RORA: variants seen among roughly 807,000 people sequenced by gnomAD.
The protein encoded by RORA is RAR related orphan receptor A, also known as nuclear receptor ROR-alpha.
A neutral mutation model predicts 69.5 loss-of-function variants in RORA; 7 were observed. That is an observed-to-expected ratio of 0.10 (90% CI 0.06 to 0.19). The LOEUF is 0.19. RORA is among the 10% of genes least tolerant of loss of function. RORA has a pLI of 1.00. For missense variants in RORA, 457 were observed against 663.0 expected (o/e 0.69, Z 3.41); for synonymous variants, 261 against 240.8 (o/e 1.08, Z -0.78).
chr15:61,118,874 G>GGT (rs1386809197), intron 1 of RORA, among the ~76,000 whole-genome samples: 1 of 152,128 alleles, frequency 6.6e-6, no homozygotes, highest in Admixed American at 6.5e-5. Flanking sequence ...AGACAGAGCA[G>GGT]GTGTTAAGGC....
rs201071249 is a variant in RORA at position 60,497,219 on chromosome 15, C to G, written c.*236G>C. On this transcript the variant is annotated 3_prime_UTR_variant, in exon 11 of 11. Coordinates refer to ENST00000335670, the MANE Select transcript of RORA (RefSeq NM_134261.3). ...GAGGTCAATGATCAAGAAGTCAAGA[C>G]AGAAAAAGGGTCCATATCTGTAGGC... 2 of 410,712 alleles carry G rather than the reference C, an allele frequency of 4.9e-6. No homozygotes were observed. The highest frequency in any genetic ancestry group is 4.1e-5 in the South Asian group (1 of 24,500). The allele number at this position is 410,712 out of a possible 1,614,324, so 25.4% of individuals were successfully genotyped here. A position where few individuals can be genotyped will look rare whatever the true frequency, so the allele number is the denominator to read the frequency against.
At chr15:60,911,362 T>C (rs1249911124) in intron 1 of RORA, among the ~76,000 whole-genome samples, 1 of 152,160 alleles carries the variant, frequency 6.6e-6, no homozygotes, top group East Asian at 1.9e-4. Context: ...CTCAAGGCCA[T>C]TTCCACGGCC....
chr15:60,809,613 T>G (rs1054340296), intron 1 of RORA, among the ~76,000 whole-genome samples: 2 of 152,096 alleles, frequency 1.3e-5, no homozygotes, highest in African/African-American at 4.8e-5. Flanking sequence ...TTTCAAGAAC[T>G]CCCACCCCCA....
chr15:60,514,694 A>G lies in RORA; in HGVS notation c.346T>C (p.Leu116=), dbSNP rs1452994348. The change falls in exon 4 of 11, where the codon TTG becomes CTG. Residue 116 remains leucine, a synonymous_variant. Transcript: ENST00000335670. ...CGGTTTCTACTGGTTCGATCAATCA[A>G]ACAGTTCTTCTGACGAGGACAGGAG... ...TYSCPRQKNC[L]IDRTSRNRCQ... The G allele has an allele frequency of 5.0e-6, 8 of 1,614,132 alleles. No homozygotes were observed. Among genetic ancestry groups the G allele is most frequent in the East Asian group, 2.2e-5 (1 of 44,884 alleles).
intron 2 of RORA, among the ~76,000 whole-genome samples, chr15:60,540,099 C>G (rs1271531946): frequency 6.6e-6 from 1 of 152,130 alleles, no homozygotes; most frequent in African/African-American, 2.4e-5. Flanking sequence ...AATGGTGTCC[C>G]TTACATAATT....
intron 2 of RORA, among the ~76,000 whole-genome samples, chr15:60,672,610 T>G (rs1439095863): frequency 6.6e-6 from 1 of 152,200 alleles, no homozygotes; most frequent in Non-Finnish European, 1.5e-5. Context: ...TCTACTCTGT[T>G]TTGACTCCAG....
chr15:60,988,973 G>T (rs1295765162), intron 1 of RORA, among the ~76,000 whole-genome samples: 1 of 152,186 alleles, frequency 6.6e-6, no homozygotes, highest in Non-Finnish European at 1.5e-5. Context: ...AGAAAGAAAA[G>T]GGTATTTTTT....
chr15:60,564,506 A>G (rs373778580), intron 2 of RORA, among the ~76,000 whole-genome samples: 1 of 152,142 alleles, frequency 6.6e-6, no homozygotes, highest in African/African-American at 2.4e-5. Flanking sequence ...AACTTCACTT[A>G]TGAGAGAGCT....
intron 1 of RORA, among the ~76,000 whole-genome samples, chr15:60,715,174 G>C (rs999735504): frequency 1.3e-5 from 2 of 152,128 alleles, no homozygotes; most frequent in African/African-American, 4.8e-5. Context: ...GTGATGCAGG[G>C]CCTTGGCCAT....
chr15:61,101,300 G>A lies in RORA; in HGVS notation c.166+127753C>T, dbSNP rs558206019. 2.6e-5 allele frequency among the ~76,000 whole-genome samples: 4 copies of A among 152,254 alleles called. No individual in the cohort carries two copies. In the South Asian group the frequency reaches 6.2e-4, roughly 24 times the overall value. ...TAATCACATAAATGAATATCCAGTT[G>A]GAAATTGTAACAAAGTAAATGGAAG... On this transcript the variant is annotated intron_variant, in intron 1 of 10. Coordinates refer to ENST00000335670, the MANE Select transcript of RORA (RefSeq NM_134261.3).
chr15:60,609,704 C>T (rs924674689), intron 2 of RORA, among the ~76,000 whole-genome samples: 7 of 152,172 alleles, frequency 4.6e-5, no homozygotes, highest in South Asian at 2.1e-4. Context: ...TACACGAATC[C>T]TCATCCTATC....
At chr15:60,888,183 G>A (rs2073772574) in intron 1 of RORA, among the ~76,000 whole-genome samples, 1 of 152,162 alleles carries the variant, frequency 6.6e-6, no homozygotes, top group African/African-American at 2.4e-5. Context: ...TGGAGCAAGG[G>A]CTTTCTGTTG....
At chr15:60,729,956 A>T (rs2071408633) in intron 1 of RORA, among the ~76,000 whole-genome samples, 1 of 152,220 alleles carries the variant, frequency 6.6e-6, no homozygotes, top group Non-Finnish European at 1.5e-5. Flanking sequence ...GGAAATAGCA[A>T]CATTAGCAGC....
intron 1 of RORA, among the ~76,000 whole-genome samples, chr15:61,214,966 G>A (rs957599131): frequency 7.6e-5 from 11 of 144,542 alleles, no homozygotes; most frequent in South Asian, 2.2e-4. Flanking sequence ...CTGGGTTCAT[G>A]CCATTCTCCT....
At chr15:60,826,823 T>C (rs1229785853) in intron 1 of RORA, among the ~76,000 whole-genome samples, 1 of 150,562 alleles carries the variant, frequency 6.6e-6, no homozygotes, top group African/African-American at 2.4e-5. Flanking sequence ...TTCTTTTCCT[T>C]CCCATCAAAT....
rs115354651 is a variant in RORA at position 60,902,631 on chromosome 15, G to T, written c.167-223945C>A. On this transcript the variant is annotated intron_variant, in intron 1 of 10. Transcript: ENST00000335670. ...TTTGGATCTTTTTCAAGAAGAGAGT[G>T]GTAAGGTGAGGTACAGTGAGGCAGA... 2.5e-3 allele frequency among the ~76,000 whole-genome samples: 383 copies of T among 152,298 alleles called. 2 individuals carry two copies. Among genetic ancestry groups the T allele is most frequent in the African/African-American group, 8.9e-3 (368 of 41,554 alleles).
At chr15:60,819,872 G>A (rs1316014921) in intron 1 of RORA, among the ~76,000 whole-genome samples, 2 of 151,924 alleles carry the variant, frequency 1.3e-5, no homozygotes, top group Non-Finnish European at 2.9e-5. Context: ...ATCCCAATCA[G>A]GCAAGAGGGA....
intron 1 of RORA, among the ~76,000 whole-genome samples, chr15:60,996,879 C>T (rs1894563601): frequency 6.6e-6 from 1 of 151,696 alleles, no homozygotes; most frequent in Admixed American, 6.6e-5. Flanking sequence ...CACTGCACTC[C>T]AGCCTGGGAG....
intron 1 of RORA, among the ~76,000 whole-genome samples, chr15:61,108,991 G>C (rs1595995515): frequency 6.6e-6 from 1 of 152,260 alleles, no homozygotes; most frequent in South Asian, 2.1e-4. Context: ...GAGGTCAGGA[G>C]ACTGAGACTT....
Sources: allele counts gnomAD v4.1 joint callset (sites outside exome capture counted in the v4.1 genomes callset), GRCh38; gene constraint gnomAD v4.1.1; transcripts MANE v1.5; gene names NCBI Gene and HGNC (gene_info 2026-07-23, HGNC 2026-07-21).